The following SLC35F3 variants were observed in gnomAD, a reference collection of about 807,000 sequenced individuals.
SLC35F3 encodes the protein solute carrier family 35 member F3.
A neutral mutation model predicts 49.9 loss-of-function variants in SLC35F3; 25 were observed. The observed-to-expected ratio is 0.50, with a 90% CI of 0.37 to 0.70. The LOEUF (loss-of-function observed/expected upper bound fraction) is 0.70. Ranked by LOEUF, SLC35F3 falls within the 30% of genes least tolerant of loss-of-function variation. SLC35F3 has a pLI of 0.00. For synonymous variants in SLC35F3, 275 were observed against 265.4 expected, an observed-to-expected ratio of 1.04 and a Z score of -0.35; for missense variants, 525 against 639.8, an observed-to-expected ratio of 0.82 and a Z score of 1.94.
chr1:234,171,458 G>T (rs1002197921), intron 2 of SLC35F3, among the ~76,000 whole-genome samples: 2 of 152,334 alleles, frequency 1.3e-5, no homozygotes, highest in Admixed American at 1.3e-4. Context: ...CTTACACAGA[G>T]GGGGGTGTCT....
chr1:234,094,375 A>G (rs542712046), intron 2 of SLC35F3, among the ~76,000 whole-genome samples: 1 of 152,250 alleles, frequency 6.6e-6, no homozygotes, highest in African/African-American at 2.4e-5. Context: ...GCAATGAATT[A>G]TCTTAAGTTC....
intron 2 of SLC35F3, among the ~76,000 whole-genome samples, chr1:234,207,803 A>G (rs1666996294): frequency 6.6e-6 from 1 of 152,140 alleles, no homozygotes; most frequent in Non-Finnish European, 1.5e-5. Context: ...GGAGTTTTAG[A>G]CAAGCCTGGG....
chr1:234,321,043 C>CA (rs971422307), intron 7 of SLC35F3, among the ~76,000 whole-genome samples: 9 of 140,470 alleles, frequency 6.4e-5, no homozygotes, highest in African/African-American at 2.3e-4. Flanking sequence ...GATTGCCCCC[C>CA]CCCCACCCCA....
chr1:234,251,482 C>A lies in SLC35F3; in HGVS notation c.608+19741C>A, dbSNP rs201420641. On this transcript the variant is annotated intron_variant, in intron 3 of 7. Coordinates refer to ENST00000366618, the MANE Select transcript of SLC35F3 (RefSeq NM_173508.4). ...ACTAAACCAAAAAAAAAAAAAAAAA[C>A]ACACACACACACTTTTAAATCCCTG... Among the ~76,000 whole-genome samples, 1,699 of 116,848 alleles carry A rather than the reference C, an allele frequency of 0.015. 78 individuals are homozygous for A. The East Asian group carries it at 0.15, about 11-fold the overall frequency. The allele number at this position is 116,848 out of a possible 152,430, so 76.7% of individuals were successfully genotyped here.
intron 2 of SLC35F3, among the ~76,000 whole-genome samples, chr1:234,048,870 G>C (rs1664332690): frequency 1.3e-5 from 2 of 152,178 alleles, no homozygotes; most frequent in Admixed American, 6.5e-5. Flanking sequence ...CACCTTCCTT[G>C]GGACCAATCA....
At chr1:234,069,075 A>G (rs1341470936) in intron 2 of SLC35F3, among the ~76,000 whole-genome samples, 4 of 63,274 alleles carry the variant, frequency 6.3e-5, no homozygotes, top group African/African-American at 2.3e-4. Flanking sequence ...TATATATTAT[A>G]TGCAATATAT....
chr1:233,909,631 G>A (rs1369810062), intron 2 of SLC35F3, among the ~76,000 whole-genome samples: 1 of 152,164 alleles, frequency 6.6e-6, no homozygotes, highest in Non-Finnish European at 1.5e-5. Flanking sequence ...CTTTGGTTTG[G>A]CCCAGGGTTT....
intron 2 of SLC35F3, among the ~76,000 whole-genome samples, chr1:234,133,797 T>A (rs1048620406): frequency 3.9e-5 from 6 of 152,214 alleles, no homozygotes; most frequent in Admixed American, 3.9e-4. Context: ...TTAATTATCT[T>A]TGCTCTGACC....
intron 3 of SLC35F3, among the ~76,000 whole-genome samples, chr1:234,246,530 C>A (rs889178058): frequency 6.6e-6 from 1 of 152,206 alleles, no homozygotes; most frequent in Non-Finnish European, 1.5e-5. Flanking sequence ...ATGATAAGAG[C>A]AAACACACGA....
chr1:233,946,337 C>T (rs1662513459), intron 2 of SLC35F3, among the ~76,000 whole-genome samples: 1 of 152,200 alleles, frequency 6.6e-6, no homozygotes, highest in East Asian at 1.9e-4. Context: ...AGAACTCAGA[C>T]AAAGCCAGCC....
rs1657680941 is a variant in SLC35F3 at position 234,323,444 on chromosome 1, AAAG to A, written c.*207_*209del. The A allele has an allele frequency of 1.7e-6, 1 of 580,666 alleles. No homozygotes were observed. Among genetic ancestry groups the A allele is most frequent in the South Asian group, 2.2e-5 (1 of 45,480 alleles). 36.0% of individuals were successfully genotyped at this position (580,666 alleles called of 1,614,324 possible). A position where few individuals can be genotyped will look rare whatever the true frequency, so the allele number is the denominator to read the frequency against. On this transcript the variant is annotated 3_prime_UTR_variant, in exon 8 of 8. Transcript: ENST00000366618. The surrounding 1 kb of genome is among the most constrained non-coding windows in gnomAD (Gnocchi z 4.5). ...GGGTACCAATTCAATACAAAAGAGA[AAAG>A]AAGAACCTCTCAGTGCTTTTCCAAC...
intron 2 of SLC35F3, among the ~76,000 whole-genome samples, chr1:233,918,802 CTCTCTCTCTCTCTCTATA>C (rs1662013472): frequency 9.4e-5 from 4 of 42,406 alleles, no homozygotes; most frequent in African/African-American, 1.6e-4. Flanking sequence ...CTCTCTTTCT[CTCTCTCTCTCTCTCTATA>C]TATATATATA....
intron 2 of SLC35F3, among the ~76,000 whole-genome samples, chr1:234,154,066 A>C (rs1666115783): frequency 6.6e-6 from 1 of 151,546 alleles, no homozygotes; most frequent in Middle Eastern, 3.2e-3. Flanking sequence ...CGTCTCAAAA[A>C]AAAAAACAAA....
At chr1:233,940,425 C>T (rs1294689169) in intron 2 of SLC35F3, among the ~76,000 whole-genome samples, 4 of 151,826 alleles carry the variant, frequency 2.6e-5, no homozygotes, top group Non-Finnish European at 5.9e-5. Context: ...AGTGGTTCTG[C>T]AGCACCTGCT....
intron 2 of SLC35F3, among the ~76,000 whole-genome samples, chr1:233,939,910 T>C (rs996773306): frequency 6.6e-6 from 1 of 152,244 alleles, no homozygotes; most frequent in African/African-American, 2.4e-5. Context: ...GTAGGTCCTT[T>C]ATTCCATCTT....
chr1:234,228,336 T>C (rs1260218797), intron 2 of SLC35F3, among the ~76,000 whole-genome samples: 1 of 152,196 alleles, frequency 6.6e-6, no homozygotes, highest in East Asian at 1.9e-4. Flanking sequence ...ATTATCCCAA[T>C]GCACACTGGC....
intron 6 of SLC35F3, among the ~76,000 whole-genome samples, chr1:234,319,804 A>G (rs1177460513): frequency 6.6e-6 from 1 of 152,216 alleles, no homozygotes; most frequent in Non-Finnish European, 1.5e-5. Flanking sequence ...GCAGCAGAGA[A>G]AAGCAAAATT....
chr1:234,040,161 C>G (rs1177618254), intron 2 of SLC35F3, among the ~76,000 whole-genome samples: 1 of 152,138 alleles, frequency 6.6e-6, no homozygotes, highest in African/African-American at 2.4e-5. Flanking sequence ...GCAGGTCACT[C>G]TCCCCTGAAG....
chr1:234,270,984 G>A (rs939573724), intron 3 of SLC35F3, among the ~76,000 whole-genome samples: 1 of 152,198 alleles, frequency 6.6e-6, no homozygotes, highest in Admixed American at 6.5e-5. Flanking sequence ...CTGGGAAGAA[G>A]GGATCATCTT....
Sources: gnomAD v4.1 joint callset for allele counts (sites outside exome capture counted in the v4.1 genomes callset) on GRCh38, gnomAD v4.1.1 for gene constraint, Gnocchi (gnomAD v3.1) non-coding constraint, MANE v1.5 for transcripts, NCBI Gene and HGNC (gene_info 2026-07-23, HGNC 2026-07-21) for gene names.